TENM3: variants seen among roughly 807,000 people sequenced by gnomAD.
TENM3 encodes the protein teneurin transmembrane protein 3, also known as teneurin-3.
A neutral mutation model predicts 255.1 loss-of-function variants in TENM3; 63 were observed. The observed-to-expected ratio is 0.25, with a 90% confidence interval of 0.20 to 0.30. The LOEUF (loss-of-function observed/expected upper bound fraction) is 0.30, where lower values mean the gene tolerates loss of function less well. Ranked by LOEUF, TENM3 falls within the 10% of genes least tolerant of loss-of-function variation. The pLI is 1.00. For synonymous variants in TENM3, 1,306 were observed against 1,322.3 expected (o/e 0.99, Z 0.27); for missense variants, 2,929 against 3,461.1 (o/e 0.85, Z 3.86).
intron 24 of TENM3, among the ~76,000 whole-genome samples, chr4:182,788,879 A>C (rs1300063669): frequency 6.6e-6 from 1 of 152,204 alleles, no homozygotes; most frequent in East Asian, 1.9e-4. Context: ...AATTTAATTG[A>C]AATGGTTTTG....
the TENM3 span, among the ~76,000 whole-genome samples, chr4:181,894,477 A>C: frequency 6.6e-6 from 1 of 152,320 alleles, no homozygotes; most frequent in East Asian, 1.9e-4. Context: ...TAAACCCATC[A>C]AAAGGTAACC....
chr4:182,486,621 C>T (rs887291977), intron 3 of TENM3, among the ~76,000 whole-genome samples: 3 of 152,116 alleles, frequency 2.0e-5, no homozygotes, highest in African/African-American at 7.2e-5. Context: ...TATGTAAGGT[C>T]CAGGATCACA....
chr4:181,898,010 TTCTATTTC>T, the TENM3 span, among the ~76,000 whole-genome samples: 1 of 152,160 alleles, frequency 6.6e-6, no homozygotes, highest in African/African-American at 2.4e-5. Context: ...TCACCAACAA[TTCTATTTC>T]TCTATTTCTC....
chr4:182,356,590 G>A (rs986202350), intron 3 of TENM3, among the ~76,000 whole-genome samples: 3 of 152,114 alleles, frequency 2.0e-5, no homozygotes, highest in African/African-American at 7.2e-5. Context: ...TGGAGTAGAG[G>A]CGATTGAGGG....
chr4:182,511,771 T>C (rs1007073858), intron 3 of TENM3, among the ~76,000 whole-genome samples: 1 of 152,188 alleles, frequency 6.6e-6, no homozygotes, highest in African/African-American at 2.4e-5. Flanking sequence ...AAGATAAAAT[T>C]AGGATCATAT....
chr4:181,689,368 T>C, the TENM3 span, among the ~76,000 whole-genome samples: 28 of 152,302 alleles, frequency 1.8e-4, no homozygotes, highest in South Asian at 5.8e-3. Context: ...CCAAAGTGTG[T>C]GACCCAACTG....
At chr4:182,709,760 G>T (rs1190790606) in intron 12 of TENM3, among the ~76,000 whole-genome samples, 1 of 151,952 alleles carries the variant, frequency 6.6e-6, no homozygotes, top group East Asian at 1.9e-4. Flanking sequence ...AAGCTCTCAG[G>T]CTCACAGTTC....
At chr4:182,341,090 A>G (rs891253555) in intron 2 of TENM3, among the ~76,000 whole-genome samples, 4 of 152,206 alleles carry the variant, frequency 2.6e-5, no homozygotes, top group African/African-American at 7.2e-5. Flanking sequence ...TCATTTCTTT[A>G]CAATAAACGA....
At chr4:182,387,528 G>A (rs113785942) in intron 3 of TENM3, among the ~76,000 whole-genome samples, 4,691 of 152,136 alleles carry the variant, frequency 0.031, 225 homozygotes, top group African/African-American at 0.097. Flanking sequence ...GTGGCAACAC[G>A]CTTGGGTCCC....
chr4:181,721,844 G>A, the TENM3 span, among the ~76,000 whole-genome samples: 1 of 151,766 alleles, frequency 6.6e-6, no homozygotes, highest in African/African-American at 2.4e-5. Flanking sequence ...TGGGGTAGAT[G>A]GTGTGGCTGT....
the TENM3 span, among the ~76,000 whole-genome samples, chr4:181,832,624 T>G: frequency 6.6e-6 from 1 of 152,342 alleles, no homozygotes; most frequent in East Asian, 1.9e-4. Flanking sequence ...GCTAAGAGAC[T>G]TGCTTCAGCT....
intron 1 of TENM3, among the ~76,000 whole-genome samples, chr4:182,266,107 C>T (rs564470616): frequency 1.3e-5 from 2 of 152,344 alleles, no homozygotes; most frequent in East Asian, 3.9e-4. Context: ...CTTATCTGCA[C>T]TTCTGCCCGG....
chr4:181,719,328 A>T, the TENM3 span, among the ~76,000 whole-genome samples: 1 of 152,206 alleles, frequency 6.6e-6, no homozygotes, highest in Non-Finnish European at 1.5e-5. Flanking sequence ...AAAAAGTTCT[A>T]AATCATGTTG....
chr4:181,601,391 A>G, the TENM3 span, among the ~76,000 whole-genome samples: 9 of 152,292 alleles, frequency 5.9e-5, no homozygotes, highest in East Asian at 1.4e-3. Context: ...TCTGAAGGCC[A>G]GAAGTCCAAG....
At chr4:181,491,267 T>C in the TENM3 span, among the ~76,000 whole-genome samples, 3 of 152,038 alleles carry the variant, frequency 2.0e-5, no homozygotes, top group Non-Finnish European at 4.4e-5. Flanking sequence ...TTTAGGCTTC[T>C]TTTTTTGTAA....
chr4:181,599,270 G>C, the TENM3 span, among the ~76,000 whole-genome samples: 1 of 152,166 alleles, frequency 6.6e-6, no homozygotes, highest in African/African-American at 2.4e-5. Flanking sequence ...CCTTCGTTCT[G>C]TGCAAACAGC....
At chr4:182,700,770 C>A (rs991740880) in intron 12 of TENM3, among the ~76,000 whole-genome samples, 10 of 152,206 alleles carry the variant, frequency 6.6e-5, no homozygotes, top group Admixed American at 5.2e-4. Context: ...GGGGAATCTA[C>A]TACATCTAAA....
the TENM3 span, among the ~76,000 whole-genome samples, chr4:181,961,490 A>G: frequency 8.6e-5 from 13 of 151,756 alleles, no homozygotes; most frequent in Admixed American, 5.2e-4. Context: ...TGCGATCTCG[A>G]CTCACTGCAA....
intron 3 of TENM3, among the ~76,000 whole-genome samples, chr4:182,479,012 A>G (rs183788906): frequency 2.6e-5 from 4 of 151,978 alleles, no homozygotes; most frequent in Admixed American, 2.0e-4. Flanking sequence ...TACTTGAAGG[A>G]ATGTTTGTCT....
Sources: gnomAD v4.1 joint callset for allele counts (sites outside exome capture counted in the v4.1 genomes callset) on GRCh38, gnomAD v4.1.1 for gene constraint, MANE v1.5 for transcripts, NCBI Gene and HGNC (gene_info 2026-07-23, HGNC 2026-07-21) for gene names.